Variants in TFF1 observed in about 807,000 individuals in gnomAD.
TFF1 encodes the protein trefoil factor 1.
A neutral mutation model predicts 7.7 loss-of-function variants in TFF1; 8 were observed. The observed-to-expected ratio is 1.04, with a 90% CI of 0.61 to 1.87. TFF1 has a LOEUF of 1.87. TFF1 is among the 40% of genes most tolerant of loss of function. The pLI, the probability that TFF1 is intolerant of heterozygous loss-of-function variation, is 0.00. For synonymous variants in TFF1, 47 were observed against 44.8 expected (o/e 1.05, Z -0.19); for missense variants, 120 against 113.4 (o/e 1.06, Z -0.26).
At position 42,363,254 on chromosome 21, in the gene TFF1, C is replaced by T. The variant is rs112382950; in HGVS notation, c.238+1G>A. 9 of 1,614,034 alleles carry T rather than the reference C, an allele frequency of 5.6e-6. No individual in the cohort carries two copies. Among genetic ancestry groups the T allele is most frequent in the African/African-American group, 2.7e-5 (2 of 74,910 alleles). Reference sequence around the variant, plus strand: ...GAACCCATCGTATAAAAAGGCCATACCTTCTGGAGGGACGTCGATGGTATT... The same window carrying T: ...GAACCCATCGTATAAAAAGGCCATATCTTCTGGAGGGACGTCGATGGTATT... On this transcript the variant is annotated splice_donor_variant, in intron 2 of 2. Coordinates refer to ENST00000291527, the MANE Select transcript of TFF1 (RefSeq NM_003225.3). LOFTEE classifies it high-confidence loss of function.
Position 42,362,342 on chromosome 21 carries a change from A to C in TFF1, c.*137T>G. The C allele has an allele frequency of 6.4e-6, 6 of 939,732 alleles. No homozygotes were observed. The highest frequency in any genetic ancestry group is 9.5e-6 in the Non-Finnish European group (6 of 628,656). The allele number at this position is 939,732 out of a possible 1,614,324, so 58.2% of individuals were successfully genotyped here. A position where few individuals can be genotyped will look rare whatever the true frequency, so the allele number is the denominator to read the frequency against. On this transcript the variant is annotated 3_prime_UTR_variant, in exon 3 of 3. Coordinates refer to ENST00000291527, the MANE Select transcript of TFF1 (RefSeq NM_003225.3). ...TGAGTAGTCAAAGTCAGAGCAGTCA[A>C]TCTGTGTTGTGAGCCGAGGCACAGC...
At position 42,363,397 on chromosome 21, in the gene TFF1, T is replaced by G; in HGVS notation, c.96A>C (p.Thr32=). ...AATTCTGTCTTTCACGGGGGGCCACTGTACACGTCTCTGAAAGTGCACAGG... is the reference window on the plus strand; with the variant it reads ...AATTCTGTCTTTCACGGGGGGCCACGGTACACGTCTCTGAAAGTGCACAGG... ...TLAEAQTETC[T]VAPRERQNCG... is the part of the protein sequence containing the mutation. Residue 32 remains threonine, a synonymous_variant, in exon 2 of 3, where the codon ACA becomes ACC. Transcript: ENST00000291527. 6.2e-7 allele frequency: 1 copy of G among 1,613,926 alleles called. No individual in the cohort carries two copies. Among genetic ancestry groups the G allele is most frequent in the African/African-American group, 1.3e-5 (1 of 75,038 alleles).
intron 1 of TFF1, among the ~76,000 whole-genome samples, chr21:42,364,856 T>A (rs2052266837): frequency 6.6e-6 from 1 of 152,162 alleles, no homozygotes; most frequent in Non-Finnish European, 1.5e-5. Flanking sequence ...GCAGCTTCCA[T>A]GGGAACCTTG....
Position 42,362,401 on chromosome 21 carries a change from G to A in TFF1, c.*78C>T, listed in dbSNP as rs539013827. ...CGTGTCTGAGGTGTCCGGTGGAGGT[G>A]GCAGCCGAGCTCTGGGACTAATCAC... is the stretch of plus-strand genomic sequence containing the variant. On this transcript the variant is annotated 3_prime_UTR_variant, in exon 3 of 3. Transcript: ENST00000291527. 9.9e-6 allele frequency: 15 copies of A among 1,515,256 alleles called. No homozygotes were observed. In the East Asian group the frequency reaches 3.2e-4, roughly 32 times the overall value. 93.9% of individuals were successfully genotyped at this position (1,515,256 alleles called of 1,614,324 possible). A position where few individuals can be genotyped will look rare whatever the true frequency, so the allele number is the denominator to read the frequency against.
chr21:42,366,172 C>A (rs996197768), intron 1 of TFF1, among the ~76,000 whole-genome samples: 1 of 152,174 alleles, frequency 6.6e-6, no homozygotes, highest in African/African-American at 2.4e-5. Context: ...AGGAAAACAG[C>A]CCCGACTGAA....
intron 1 of TFF1, among the ~76,000 whole-genome samples, chr21:42,364,097 A>G (rs1320412924): frequency 3.5e-5 from 5 of 142,484 alleles, no homozygotes; most frequent in Admixed American, 1.4e-4. Flanking sequence ...ACAGAGCAAG[A>G]CTCCATCTCA....
At chr21:42,364,265 G>T (rs2146405986) in intron 1 of TFF1, among the ~76,000 whole-genome samples, 1 of 152,300 alleles carries the variant, frequency 6.6e-6, no homozygotes, top group Non-Finnish European at 1.5e-5. Context: ...AAAGCAGGGG[G>T]GCTCCCTGCA....
chr21:42,364,413 G>A (rs1195307281), intron 1 of TFF1, among the ~76,000 whole-genome samples: 1 of 152,208 alleles, frequency 6.6e-6, no homozygotes, highest in African/African-American at 2.4e-5. Flanking sequence ...GCCGACAGAG[G>A]GTACAAGCTG....
At chr21:42,365,372 G>A (rs1222465278) in intron 1 of TFF1, among the ~76,000 whole-genome samples, 5 of 152,032 alleles carry the variant, frequency 3.3e-5, no homozygotes, top group South Asian at 2.1e-4. Context: ...TTCCTCTCTC[G>A]GGTTCCAAAG....
rs975208392 is a variant in TFF1, at chr21:42,365,334, C to A, written c.85+1077G>T. ...TGGGGGTGGCCAGCACGGGGACCCA[C>A]CCAGTTCGTTCTGTACACCGAGGCC... On this transcript the variant is annotated intron_variant, in intron 1 of 2. Coordinates refer to ENST00000291527, the MANE Select transcript of TFF1 (RefSeq NM_003225.3). 1.4e-4 allele frequency among the ~76,000 whole-genome samples: 22 copies of A among 152,076 alleles called. 1 individual carries two copies. The highest frequency in any genetic ancestry group is 1.4e-3 in the Admixed American group (22 of 15,280).
intron 1 of TFF1, 30 bp downstream of exon 1, chr21:42,366,381 C>A: frequency 6.4e-7 from 1 of 1,551,260 alleles, no homozygotes; most frequent in South Asian, 1.2e-5. Flanking sequence ...CTGGCTGTGG[C>A]CCCACAGAGC....
chr21:42,364,743 C>T (rs916908906), intron 1 of TFF1, among the ~76,000 whole-genome samples: 1 of 152,200 alleles, frequency 6.6e-6, no homozygotes, highest in Non-Finnish European at 1.5e-5. Context: ...CCGAGAGGGG[C>T]TGTTCTCTTG....
At chr21:42,365,183 G>T (rs904182612) in intron 1 of TFF1, among the ~76,000 whole-genome samples, 1 of 152,056 alleles carries the variant, frequency 6.6e-6, no homozygotes, top group Non-Finnish European at 1.5e-5. Flanking sequence ...CCGCAAAGAC[G>T]CTCTGAGCCT....
Position 42,364,780 on chromosome 21 carries a change from G to A in TFF1, c.86-1373C>T, listed in dbSNP as rs533704401. On this transcript the variant is annotated intron_variant, in intron 1 of 2. Coordinates refer to ENST00000291527, the MANE Select transcript of TFF1 (RefSeq NM_003225.3). Reference sequence around the variant, plus strand: ...CTGCTTTGCTATCAGGGACTGCCTCGAGATGTCTTTGGAGAAAGTGTTCCT... The same window carrying A: ...CTGCTTTGCTATCAGGGACTGCCTCAAGATGTCTTTGGAGAAAGTGTTCCT... Among the ~76,000 whole-genome samples, 7 of 152,326 alleles carry A rather than the reference G, an allele frequency of 4.6e-5. No individual in the cohort carries two copies. The South Asian group carries it at 1.0e-3, about 23-fold the overall frequency.
Position 42,363,258 on chromosome 21 carries a change from C to T in TFF1, c.235G>A (p.Glu79Lys). Residue 79 changes from glutamate to lysine, a missense_variant, in exon 2 of 3, where the codon GAA (glutamate) becomes AAA (lysine). By Grantham distance (56) the Glu-to-Lys change is moderately conservative (BLOSUM62 1). Coordinates refer to ENST00000291527, the MANE Select transcript of TFF1 (RefSeq NM_003225.3). ...FYPNTIDVPP[E>K]EECEF ...CCATCGTATAAAAAGGCCATACCTT[C>T]TGGAGGGACGTCGATGGTATTAGGA... 1 of 1,614,188 alleles carries T rather than the reference C, an allele frequency of 6.2e-7. No homozygotes were observed. The highest frequency in any genetic ancestry group is 1.3e-5 in the African/African-American group (1 of 75,040).
chr21:42,363,554 A>T, intron 1 of TFF1, 147 bp from the exon 2 acceptor site: 1 of 1,057,724 alleles, frequency 9.5e-7, no homozygotes. Context: ...TGAGAGGGAG[A>T]CGTGGTCCTC....
rs780862286 is a variant in TFF1, at chr21:42,363,422, G to A, written c.86-15C>T. 1 of 1,609,490 alleles carries A rather than the reference G, an allele frequency of 6.2e-7. No homozygotes were observed. On this transcript the variant is annotated splice_polypyrimidine_tract_variant and intron_variant, in intron 1 of 2. Coordinates refer to ENST00000291527, the MANE Select transcript of TFF1 (RefSeq NM_003225.3). ...TGTACACGTCTCTGAAAGTGCACAG[G>A]TAAGAAGCAAAGTAAGTTGTGGGCT...
At chr21:42,364,253 A>G (rs549933384) in intron 1 of TFF1, among the ~76,000 whole-genome samples, 27 of 152,264 alleles carry the variant, frequency 1.8e-4, no homozygotes, top group Admixed American at 3.9e-4. Flanking sequence ...AGCAGGTTGA[A>G]CAAAGCAGGG....
At chr21:42,364,479 G>T (rs2052263546) in intron 1 of TFF1, among the ~76,000 whole-genome samples, 1 of 152,206 alleles carries the variant, frequency 6.6e-6, no homozygotes, top group African/African-American at 2.4e-5. Context: ...GAAGACACGT[G>T]GACAGATGGG....
Sources: allele counts gnomAD v4.1 joint callset (sites outside exome capture counted in the v4.1 genomes callset), GRCh38; gene constraint gnomAD v4.1.1; transcripts MANE v1.5; gene names NCBI Gene and HGNC (gene_info 2026-07-23, HGNC 2026-07-21).